The following ZNF398 variants were observed in gnomAD, a reference collection of about 807,000 sequenced individuals.
The protein encoded by ZNF398 is zinc finger protein 398.
ZNF398 carries 18 observed loss-of-function variants against 41.9 expected under a neutral mutation model. The observed-to-expected ratio is 0.43, with a 90% CI of 0.30 to 0.64. The LOEUF (loss-of-function observed/expected upper bound fraction) is 0.64, where lower values mean the gene tolerates loss of function less well. Ranked by LOEUF, ZNF398 falls within the 30% of genes least tolerant of loss-of-function variation. The probability of loss-of-function intolerance (pLI) is 0.14; values close to 1 mark genes in which losing one functional copy is unlikely to be tolerated. For missense variants in ZNF398, 669 were observed against 822.8 expected (o/e 0.81, Z 2.29); for synonymous variants, 260 against 308.8 (o/e 0.84, Z 1.66).
intron 2 of ZNF398, among the ~76,000 whole-genome samples, chr7:149,154,646 C>G (rs1359173809): frequency 1.3e-5 from 2 of 151,966 alleles, no homozygotes; most frequent in Non-Finnish European, 2.9e-5. Flanking sequence ...CCGCTTCTTT[C>G]TTCGTTAACT....
intron 2 of ZNF398, among the ~76,000 whole-genome samples, chr7:149,131,572 G>C (rs1826595891): frequency 6.6e-6 from 1 of 152,162 alleles, no homozygotes; most frequent in Non-Finnish European, 1.5e-5. Context: ...TGTAGTCCCA[G>C]CTACTCGGGA....
chr7:149,146,367 A>G (rs1370093496), upstream of ZNF398, among the ~76,000 whole-genome samples: 1 of 152,182 alleles, frequency 6.6e-6, no homozygotes, highest in African/African-American at 2.4e-5. Flanking sequence ...AGAAAAATAA[A>G]TAAGTAAATA....
At chr7:149,127,118 C>A (rs1393679267) in intron 1 of ZNF398, among the ~76,000 whole-genome samples, 2 of 151,952 alleles carry the variant, frequency 1.3e-5, no homozygotes, top group Non-Finnish European at 2.9e-5. Flanking sequence ...GACGCAAAAA[C>A]GGGAGAGGTG....
At chr7:149,135,344 C>T (rs1327220769) in intron 2 of ZNF398, among the ~76,000 whole-genome samples, 4 of 135,914 alleles carry the variant, frequency 2.9e-5, no homozygotes, top group Non-Finnish European at 6.1e-5. Flanking sequence ...GTGCCGAGAT[C>T]GCGCCACTGC....
chr7:149,139,443 C>T (rs913697325), intron 2 of ZNF398, among the ~76,000 whole-genome samples: 6 of 152,122 alleles, frequency 3.9e-5, no homozygotes, highest in African/African-American at 1.2e-4. Context: ...TAATGATGTG[C>T]CGGGCGCGGT....
At chr7:149,160,821 A>T (rs1386982619) in intron 2 of ZNF398, among the ~76,000 whole-genome samples, 1 of 152,082 alleles carries the variant, frequency 6.6e-6, no homozygotes, top group African/African-American at 2.4e-5. Flanking sequence ...GTGAACTCCT[A>T]GAGATTGGTC....
chr7:149,175,837 A>T (rs994560303), intron 4 of ZNF398, among the ~76,000 whole-genome samples: 2 of 151,986 alleles, frequency 1.3e-5, no homozygotes, highest in Non-Finnish European at 2.9e-5. Context: ...GGCGCCTGCC[A>T]CCACGCCTGA....
At position 149,166,723 on chromosome 7, in the gene ZNF398, G is replaced by A; in HGVS notation, c.548-94G>A. ...AATCTAAAAGAAATTCCCTGGCACTGTGACCACAAAGCTTCAGCTCAGCCT... is the reference window on the plus strand; with the variant it reads ...AATCTAAAAGAAATTCCCTGGCACTATGACCACAAAGCTTCAGCTCAGCCT... On this transcript the variant is annotated intron_variant, in intron 3 of 5. Transcript: ENST00000475153. 6 of 798,522 alleles carry A rather than the reference G, an allele frequency of 7.5e-6. No individual in the cohort carries two copies. In the South Asian group the frequency reaches 8.7e-5, roughly 12 times the overall value. The allele number at this position is 798,522 out of a possible 1,614,324, so 49.5% of individuals were successfully genotyped here.
At position 149,181,585 on chromosome 7, in the gene ZNF398, A is replaced by T. The variant is rs2129522179; in HGVS notation, c.*1784A>T. ...CTAGAAGAAGGTGTTAGCCCAGCTA[A>T]CTTTGCTTCTGGGAAGGCTATGTCT... On this transcript the variant is annotated 3_prime_UTR_variant, in exon 6 of 6. Coordinates refer to ENST00000475153, the MANE Select transcript of ZNF398 (RefSeq NM_170686.3). 6.6e-6 allele frequency: 1 copy of T among 152,318 alleles called. No individual in the cohort carries two copies. The highest frequency in any genetic ancestry group is 1.9e-4 in the East Asian group (1 of 5,192). The allele number at this position is 152,318 out of a possible 1,614,324, so 9.4% of individuals were successfully genotyped here. A position where few individuals can be genotyped will look rare whatever the true frequency, so the allele number is the denominator to read the frequency against.
At chr7:149,141,161 CAT>C (rs1234220114) in intron 2 of ZNF398, among the ~76,000 whole-genome samples, 2 of 151,864 alleles carry the variant, frequency 1.3e-5, no homozygotes, top group Admixed American at 1.3e-4. Context: ...ATCTACAACA[CAT>C]ATATGATAAA....
At chr7:149,167,857 C>T (rs1185975385) in intron 4 of ZNF398, among the ~76,000 whole-genome samples, 2 of 151,894 alleles carry the variant, frequency 1.3e-5, no homozygotes, top group Non-Finnish European at 2.9e-5. Flanking sequence ...GTGATCCACC[C>T]GCCTCGGCCT....
chr7:149,142,183 G>T (rs1826839306), intron 2 of ZNF398, among the ~76,000 whole-genome samples: 1 of 151,860 alleles, frequency 6.6e-6, no homozygotes, highest in South Asian at 2.1e-4. Flanking sequence ...ATTTCCCCAA[G>T]ATCTTATTCT....
chr7:149,149,170 T>A (rs146411323), intron 1 of ZNF398, among the ~76,000 whole-genome samples: 1 of 152,148 alleles, frequency 6.6e-6, no homozygotes, highest in South Asian at 2.1e-4. Flanking sequence ...ATAGATGAAA[T>A]TAATTTTAAT....
At chr7:149,152,882 C>G (rs1189779292) in intron 1 of ZNF398, among the ~76,000 whole-genome samples, 1 of 139,612 alleles carries the variant, frequency 7.2e-6, no homozygotes, top group East Asian at 2.1e-4. Flanking sequence ...TTTTTTGAGA[C>G]ACAGTCTCCC....
chr7:149,177,477 G>T (rs1795487761), intron 5 of ZNF398, among the ~76,000 whole-genome samples: 1 of 152,146 alleles, frequency 6.6e-6, no homozygotes, highest in Non-Finnish European at 1.5e-5. Context: ...TAGGTATTTA[G>T]ATAAGACCTA....
intron 1 of ZNF398, 30 bp from the exon 2 acceptor site, chr7:149,153,915 T>C (rs568418797): frequency 6.3e-7 from 1 of 1,581,222 alleles, no homozygotes; most frequent in Non-Finnish European, 8.6e-7. Context: ...TAACACTCAA[T>C]GTCTTGTTCC....
intron 4 of ZNF398, among the ~76,000 whole-genome samples, chr7:149,170,809 T>C (rs2129521425): frequency 6.6e-6 from 1 of 152,194 alleles, no homozygotes; most frequent in East Asian, 1.9e-4. Flanking sequence ...TGGAAGTTGT[T>C]CTCACTGAGT....
chr7:149,148,378 A>C, intron 1 of ZNF398: 1 of 966,740 alleles, frequency 1.0e-6, no homozygotes. Context: ...GCCAGTTGCC[A>C]GGGCGACCGA....
intron 4 of ZNF398, 36 bp from the exon 5 acceptor site, chr7:149,176,432 T>A (rs1165602537): frequency 2.1e-6 from 3 of 1,422,030 alleles, no homozygotes; most frequent in African/African-American, 1.4e-5. Context: ...TTATTCAAGT[T>A]CATGAAGGCC....
Sources: allele counts gnomAD v4.1 joint callset (sites outside exome capture counted in the v4.1 genomes callset), GRCh38; gene constraint gnomAD v4.1.1; transcripts MANE v1.5; gene names NCBI Gene and HGNC (gene_info 2026-07-23, HGNC 2026-07-21).